Variants in PTPRD observed in about 807,000 individuals in gnomAD.
PTPRD encodes the protein protein tyrosine phosphatase receptor type D.
Under a neutral mutation model 214.5 loss-of-function variants are expected in PTPRD, and 34 were observed. That is an observed-to-expected ratio of 0.16 (90% CI 0.12 to 0.21). The LOEUF (loss-of-function observed/expected upper bound fraction) is 0.21. Among genes scored for constraint, PTPRD ranks in the 10% least tolerant of loss-of-function variants. The pLI, the probability that PTPRD is intolerant of heterozygous loss-of-function variation, is 1.00. For synonymous variants in PTPRD, 1,128 were observed against 845.7 expected, an observed-to-expected ratio of 1.33 and a Z score of -5.79; for missense variants, 2,545 against 2,398.7, an observed-to-expected ratio of 1.06 and a Z score of -1.27.
intron 9 of PTPRD, among the ~76,000 whole-genome samples, chr9:9,343,291 T>G (rs1038593545): frequency 5.9e-4 from 90 of 152,290 alleles, no homozygotes; most frequent in African/African-American, 2.1e-3. Context: ...GTCTAGATCC[T>G]TGAAGAATCC....
chr9:10,584,690 T>A (rs4741041), intron 2 of PTPRD, among the ~76,000 whole-genome samples: 27,392 of 152,070 alleles, frequency 0.18, 3,036 homozygotes, highest in East Asian at 0.53. Flanking sequence ...ATGACATATA[T>A]CAGTAGAAAT....
chr9:9,568,336 G>T (rs1228024454), intron 8 of PTPRD, among the ~76,000 whole-genome samples: 1 of 151,790 alleles, frequency 6.6e-6, no homozygotes, highest in Non-Finnish European at 1.5e-5. Flanking sequence ...GAGGTGGGAG[G>T]TCAAACGATT....
At chr9:8,671,326 G>A (rs1356783272) in intron 12 of PTPRD, among the ~76,000 whole-genome samples, 1 of 151,982 alleles carries the variant, frequency 6.6e-6, no homozygotes, top group Non-Finnish European at 1.5e-5. Flanking sequence ...GAGAGTGGAA[G>A]GCATATAAAT....
At chr9:10,163,469 C>G (rs143672105) in intron 3 of PTPRD, among the ~76,000 whole-genome samples, 1 of 151,544 alleles carries the variant, frequency 6.6e-6, no homozygotes, top group East Asian at 1.9e-4. Context: ...GAGTGAATTT[C>G]TAAGCTGACT....
At chr9:10,259,125 C>CTAT (rs1043713843) in intron 3 of PTPRD, among the ~76,000 whole-genome samples, 1 of 152,102 alleles carries the variant, frequency 6.6e-6, no homozygotes, top group African/African-American at 2.4e-5. Context: ...CGGGTTCACA[C>CTAT]TATTCTTCTG....
intron 14 of PTPRD, among the ~76,000 whole-genome samples, chr9:8,553,051 A>G (rs1475570398): frequency 6.6e-6 from 1 of 152,154 alleles, no homozygotes; most frequent in Non-Finnish European, 1.5e-5. Flanking sequence ...CCAGACTAGA[A>G]TAACTGCCCA....
chr9:9,324,797 T>A (rs1474106510), intron 9 of PTPRD, among the ~76,000 whole-genome samples: 1 of 152,168 alleles, frequency 6.6e-6, no homozygotes, highest in Non-Finnish European at 1.5e-5. Context: ...ATTGCCTAGG[T>A]TTTCCTCTAG....
intron 12 of PTPRD, among the ~76,000 whole-genome samples, chr9:8,725,387 T>C (rs2098546318): frequency 6.6e-6 from 1 of 152,200 alleles, no homozygotes; most frequent in Admixed American, 6.5e-5. Flanking sequence ...GTTAACTCAA[T>C]GCTTGGCACG....
chr9:9,171,032 C>G lies in PTPRD; in HGVS notation c.-143+12272G>C, dbSNP rs72696827. Among the ~76,000 whole-genome samples, 5 of 152,230 alleles carry G rather than the reference C, an allele frequency of 3.3e-5. No individual in the cohort carries two copies. In the East Asian group the frequency reaches 9.7e-4, roughly 29 times the overall value. ...TCCAGGAAAGCTTAAGAAACACCTG[C>G]CACATTGTGGTACCACCAGGGCAGC... On this transcript the variant is annotated intron_variant, in intron 10 of 45. Transcript: ENST00000381196.
intron 10 of PTPRD, among the ~76,000 whole-genome samples, chr9:9,031,052 G>A (rs1267633828): frequency 6.6e-6 from 1 of 151,926 alleles, no homozygotes; most frequent in East Asian, 1.9e-4. Context: ...AATGGACGTG[G>A]AAATAGGGGG....
chr9:10,194,676 C>T (rs911219890), intron 3 of PTPRD, among the ~76,000 whole-genome samples: 4 of 56,502 alleles, frequency 7.1e-5, no homozygotes, highest in Admixed American at 5.5e-4. Context: ...ACTTCCCACA[C>T]AATTACATAC....
At chr9:10,426,676 C>A (rs1325976950) in intron 2 of PTPRD, among the ~76,000 whole-genome samples, 1 of 152,062 alleles carries the variant, frequency 6.6e-6, no homozygotes, top group Non-Finnish European at 1.5e-5. Flanking sequence ...AAAGTAAGGG[C>A]CAACTTCTCG....
intron 33 of PTPRD, among the ~76,000 whole-genome samples, chr9:8,456,219 G>C (rs17649066): frequency 0.027 from 4,145 of 152,256 alleles, 110 homozygotes; most frequent in Admixed American, 0.087. Context: ...TGGAGGCAAA[G>C]TGCCAAGAAA....
At chr9:9,877,171 G>T (rs1032203485) in intron 5 of PTPRD, among the ~76,000 whole-genome samples, 1 of 152,186 alleles carries the variant, frequency 6.6e-6, no homozygotes, top group Non-Finnish European at 1.5e-5. Context: ...TAGCACTTCA[G>T]TATGGACTTG....
At chr9:9,903,415 A>G (rs570069006) in intron 5 of PTPRD, among the ~76,000 whole-genome samples, 15 of 152,284 alleles carry the variant, frequency 9.9e-5, no homozygotes, top group African/African-American at 3.6e-4. Flanking sequence ...AGATAATCAT[A>G]GAAACAGTTT....
At chr9:8,768,679 T>G (rs1054970729) in intron 11 of PTPRD, among the ~76,000 whole-genome samples, 4 of 152,240 alleles carry the variant, frequency 2.6e-5, no homozygotes, top group Non-Finnish European at 5.9e-5. Context: ...CTACTGTTGT[T>G]ACTGTTTTAT....
At chr9:10,397,997 T>C (rs2098203366) in intron 2 of PTPRD, among the ~76,000 whole-genome samples, 1 of 151,868 alleles carries the variant, frequency 6.6e-6, no homozygotes. Flanking sequence ...AACTGAATTG[T>C]ATGCATCATC....
rs78340120 is a variant in PTPRD, at chr9:8,661,092, C to A, written c.65-24248G>T. ...GACATTTTTCTGGTTATAGAACAGT[C>A]CCAAGTTCAGATATTGTATCTATAA... On this transcript the variant is annotated intron_variant, in intron 12 of 45. Transcript: ENST00000381196. Among the ~76,000 whole-genome samples, 29 of 152,164 alleles carry A rather than the reference C, an allele frequency of 1.9e-4. No homozygotes were observed. The East Asian group carries it at 5.2e-3, about 27-fold the overall frequency.
intron 2 of PTPRD, among the ~76,000 whole-genome samples, chr9:10,363,164 T>C (rs1321041844): frequency 6.6e-6 from 1 of 152,192 alleles, no homozygotes; most frequent in Admixed American, 6.5e-5. Context: ...ATACAACAAA[T>C]TGTGAATCTT....
Sources: allele counts gnomAD v4.1 joint callset (sites outside exome capture counted in the v4.1 genomes callset), GRCh38; gene constraint gnomAD v4.1.1; transcripts MANE v1.5; gene names NCBI Gene and HGNC (gene_info 2026-07-23, HGNC 2026-07-21).